Variants in EYA1 observed in about 807,000 individuals in gnomAD.
EYA1 encodes the protein EYA transcriptional coactivator and phosphatase 1, also known as protein phosphatase EYA1.
In EYA1, 16 loss-of-function variants were observed where a neutral mutation model predicts 82.0. That is an observed-to-expected ratio of 0.20 (90% CI 0.13 to 0.30). The LOEUF (loss-of-function observed/expected upper bound fraction) is 0.30. Among genes scored for constraint, EYA1 ranks in the 10% least tolerant of loss-of-function variants. EYA1 has a pLI of 1.00. For synonymous variants in EYA1, 261 were observed against 264.4 expected, an observed-to-expected ratio of 0.99 and a Z score of 0.12; for missense variants, 633 against 730.7, an observed-to-expected ratio of 0.87 and a Z score of 1.54.
At chr8:71,230,957 C>T (rs903112289) in intron 12 of EYA1, among the ~76,000 whole-genome samples, 2 of 152,180 alleles carry the variant, frequency 1.3e-5, no homozygotes, top group Non-Finnish European at 2.9e-5. Context: ...TGTGCATACA[C>T]CTGCTCACTG....
At chr8:71,281,856 T>C (rs1039032282) in intron 9 of EYA1, among the ~76,000 whole-genome samples, 8 of 152,238 alleles carry the variant, frequency 5.3e-5, no homozygotes, top group Non-Finnish European at 1.0e-4. Flanking sequence ...AGCACTACTT[T>C]TGGATTCTGT....
chr8:71,508,960 A>C (rs1399123501), intron 2 of EYA1, among the ~76,000 whole-genome samples: 1 of 152,072 alleles, frequency 6.6e-6, no homozygotes, highest in Non-Finnish European at 1.5e-5. Context: ...GGTGGCTCAC[A>C]ACTGTAATCC....
chr8:71,420,473 T>A (rs184624468), intron 2 of EYA1, among the ~76,000 whole-genome samples: 5 of 152,168 alleles, frequency 3.3e-5, no homozygotes, highest in East Asian at 1.9e-4. Context: ...GAAGCTTTTT[T>A]TAAAAAAATT....
intron 2 of EYA1, among the ~76,000 whole-genome samples, chr8:71,491,335 A>G (rs994508801): frequency 6.6e-6 from 1 of 152,210 alleles, no homozygotes; most frequent in African/African-American, 2.4e-5. Flanking sequence ...GCCAGGGGAA[A>G]CAGGAACTCC....
chr8:71,435,019 C>G (rs567110978), intron 2 of EYA1, among the ~76,000 whole-genome samples: 12 of 152,062 alleles, frequency 7.9e-5, no homozygotes, highest in African/African-American at 2.9e-4. Context: ...TTTATAGACT[C>G]AAAAAAATAT....
chr8:71,467,039 T>C (rs1808824778), intron 2 of EYA1, among the ~76,000 whole-genome samples: 3 of 152,156 alleles, frequency 2.0e-5, no homozygotes, highest in Non-Finnish European at 4.4e-5. Context: ...AGCCATATTC[T>C]AAACCATTTC....
rs1396456873 is a variant in EYA1 at position 71,228,318 on chromosome 8, G to C, written c.1141-11295C>G. On this transcript the variant is annotated intron_variant, in intron 12 of 17. Coordinates refer to ENST00000340726, the MANE Select transcript of EYA1 (RefSeq NM_000503.6). ...TAAGACAAAGACTTCAGGTAAGAGT[G>C]AACTATTTAAGCTCCATTGCCTTGG... 3.9e-5 allele frequency among the ~76,000 whole-genome samples: 6 copies of C among 152,078 alleles called. No homozygotes were observed. In the East Asian group the frequency reaches 1.2e-3, roughly 29 times the overall value.
At chr8:71,306,505 G>A (rs1238202334) in intron 7 of EYA1, among the ~76,000 whole-genome samples, 3 of 152,016 alleles carry the variant, frequency 2.0e-5, no homozygotes, top group Non-Finnish European at 2.9e-5. Flanking sequence ...GTTTATCTGG[G>A]CCTGGAGATG....
chr8:71,302,153 C>T (rs995260431), intron 7 of EYA1, among the ~76,000 whole-genome samples: 3 of 151,926 alleles, frequency 2.0e-5, no homozygotes, highest in Admixed American at 2.0e-4. Context: ...GGTTATGATC[C>T]GTTACTTTCA....
intron 4 of EYA1, 105 bp downstream of exon 4, chr8:71,333,992 T>G: frequency 1.2e-6 from 1 of 804,154 alleles, no homozygotes; most frequent in South Asian, 1.4e-5. Flanking sequence ...TATACCCACA[T>G]ATATACACAT....
chr8:71,542,960 G>C lies in EYA1; in HGVS notation c.-73+4904C>G, dbSNP rs371388286. Among the ~76,000 whole-genome samples, 36 of 151,948 alleles carry C rather than the reference G, an allele frequency of 2.4e-4. No individual in the cohort carries two copies. The East Asian group carries it at 3.3e-3, about 14-fold the overall frequency. On this transcript the variant is annotated intron_variant, in intron 1 of 18. Transcript: ENST00000643681. ...TATAGATGCTGGATATTAGACTTTT[G>C]TCAGATTCATAGTTTGCAGACATTT...
chr8:71,289,950 A>G (rs1054153424), intron 9 of EYA1, among the ~76,000 whole-genome samples: 4 of 152,212 alleles, frequency 2.6e-5, no homozygotes, highest in Non-Finnish European at 4.4e-5. Context: ...GGAAAAAAAG[A>G]GAGGCGGGGG....
intron 14 of EYA1, 125 bp downstream of exon 14, chr8:71,216,567 G>T: frequency 1.0e-6 from 1 of 1,004,032 alleles, no homozygotes; most frequent in Non-Finnish European, 1.6e-6. Flanking sequence ...ATAATGGCCA[G>T]TGAGATGAAA....
intron 9 of EYA1, among the ~76,000 whole-genome samples, chr8:71,298,107 A>G (rs1819787072): frequency 2.0e-5 from 3 of 152,208 alleles, no homozygotes; most frequent in Admixed American, 6.5e-5. Flanking sequence ...CAAAAATTAA[A>G]TTAGCATTTA....
chr8:71,457,152 A>G (rs1039718962), intron 2 of EYA1, among the ~76,000 whole-genome samples: 1 of 152,258 alleles, frequency 6.6e-6, no homozygotes, highest in African/African-American at 2.4e-5. Flanking sequence ...CAACAGACAC[A>G]TGAAAAAATG....
At chr8:71,282,379 C>T (rs1467400960) in intron 9 of EYA1, among the ~76,000 whole-genome samples, 1 of 152,202 alleles carries the variant, frequency 6.6e-6, no homozygotes, top group East Asian at 1.9e-4. Context: ...ATTGAGAATC[C>T]CTGCTGCTTA....
At chr8:71,471,717 A>G (rs1339826576) in intron 2 of EYA1, among the ~76,000 whole-genome samples, 1 of 152,072 alleles carries the variant, frequency 6.6e-6, no homozygotes, top group East Asian at 1.9e-4. Flanking sequence ...TATAAAAGTG[A>G]TTTTCCCCTG....
intron 2 of EYA1, among the ~76,000 whole-genome samples, chr8:71,439,612 G>A (rs1415305417): frequency 6.6e-6 from 1 of 152,188 alleles, no homozygotes; most frequent in Admixed American, 6.5e-5. Flanking sequence ...GGCATTATTT[G>A]GCTTACCATT....
chr8:71,402,967 A>G (rs1454461277), intron 2 of EYA1, among the ~76,000 whole-genome samples: 1 of 152,218 alleles, frequency 6.6e-6, no homozygotes, highest in Non-Finnish European at 1.5e-5. Context: ...TCAAGCATAA[A>G]TGATAAAAAA....
Sources: allele counts gnomAD v4.1 joint callset (sites outside exome capture counted in the v4.1 genomes callset), GRCh38; gene constraint gnomAD v4.1.1; transcripts MANE v1.5; gene names NCBI Gene and HGNC (gene_info 2026-07-23, HGNC 2026-07-21).